MGAT4C: variants seen among roughly 807,000 people sequenced by gnomAD.
The protein encoded by MGAT4C is MGAT4 family member C.
In MGAT4C, 19 loss-of-function variants were observed where a neutral mutation model predicts 40.1. The observed-to-expected ratio is 0.47, with a 90% CI of 0.33 to 0.70. MGAT4C has a LOEUF of 0.70. Among genes scored for constraint, MGAT4C ranks in the 30% least tolerant of loss-of-function variants. The pLI is 0.02. For synonymous variants in MGAT4C, 181 were observed against 187.1 expected, an observed-to-expected ratio of 0.97 and a Z score of 0.27; for missense variants, 491 against 563.2, an observed-to-expected ratio of 0.87 and a Z score of 1.30.
At chr12:86,420,263 T>C (rs567306771) in intron 3 of MGAT4C, among the ~76,000 whole-genome samples, 1 of 152,132 alleles carries the variant, frequency 6.6e-6, no homozygotes, top group East Asian at 1.9e-4. Flanking sequence ...GTGCCCGCAG[T>C]CCCAGTTACT....
intron 2 of MGAT4C, among the ~76,000 whole-genome samples, chr12:86,008,284 C>T (rs1048533794): frequency 1.3e-5 from 2 of 151,994 alleles, no homozygotes; most frequent in African/African-American, 4.8e-5. Context: ...ACATTTTTCT[C>T]AACATGGTAT....
At chr12:86,507,974 A>G (rs1212561633) in intron 2 of MGAT4C, among the ~76,000 whole-genome samples, 2 of 152,090 alleles carry the variant, frequency 1.3e-5, no homozygotes, top group Non-Finnish European at 2.9e-5. Flanking sequence ...AGAGATTACA[A>G]TGGATTTGTA....
chr12:86,623,647 C>A lies in MGAT4C; in HGVS notation c.-229+103562G>T, dbSNP rs187656302. 1.7e-3 allele frequency among the ~76,000 whole-genome samples: 260 copies of A among 152,130 alleles called. 1 individual carries two copies. The highest frequency in any genetic ancestry group is 6.0e-3 in the African/African-American group (249 of 41,514). ...ATACATATGGACATAAATGCTTCCA[C>A]AATGACAGAATATGATCATCTGAAA... On this transcript the variant is annotated intron_variant, in intron 2 of 7. Transcript: ENST00000548651.
intron 1 of MGAT4C, among the ~76,000 whole-genome samples, chr12:86,183,663 C>A (rs1304275198): frequency 6.6e-6 from 1 of 152,098 alleles, no homozygotes; most frequent in Non-Finnish European, 1.5e-5. Context: ...AAGGGACTGG[C>A]CAATTTGGTT....
intron 2 of MGAT4C, among the ~76,000 whole-genome samples, chr12:86,007,255 G>T (rs1887978756): frequency 6.6e-6 from 1 of 152,048 alleles, no homozygotes; most frequent in African/African-American, 2.4e-5. Context: ...CAATAGTGAA[G>T]AATACTATCC....
intron 4 of MGAT4C, among the ~76,000 whole-genome samples, chr12:86,292,631 A>C (rs1953552149): frequency 6.6e-6 from 1 of 152,086 alleles, no homozygotes; most frequent in South Asian, 2.1e-4. Flanking sequence ...ATGTCTTTAA[A>C]TTAATAACAG....
intron 2 of MGAT4C, among the ~76,000 whole-genome samples, chr12:86,720,956 T>G (rs1950726619): frequency 1.3e-5 from 2 of 152,180 alleles, no homozygotes; most frequent in African/African-American, 4.8e-5. Flanking sequence ...AGTTGTATAC[T>G]CTGCCCTTCC....
chr12:86,661,301 G>A (rs1433655135), intron 2 of MGAT4C, among the ~76,000 whole-genome samples: 1 of 151,354 alleles, frequency 6.6e-6, no homozygotes, highest in Non-Finnish European at 1.5e-5. Flanking sequence ...AAATATTAAA[G>A]CAAATAATTT....
intron 4 of MGAT4C, 145 bp downstream of exon 4, chr12:85,983,378 T>C (rs1392175618): frequency 5.4e-6 from 4 of 745,018 alleles, no homozygotes; most frequent in Non-Finnish European, 7.8e-6. Context: ...TAGTTGGCAA[T>C]TTGTGAAGAA....
intron 2 of MGAT4C, among the ~76,000 whole-genome samples, chr12:86,556,691 G>A (rs1264221856): frequency 6.6e-6 from 1 of 152,044 alleles, no homozygotes; most frequent in East Asian, 1.9e-4. Flanking sequence ...GTTTTAGTTT[G>A]TCATAATTTT....
chr12:86,583,976 T>C (rs1375591370), intron 2 of MGAT4C, among the ~76,000 whole-genome samples: 1 of 151,072 alleles, frequency 6.6e-6, no homozygotes, highest in African/African-American at 2.4e-5. Context: ...ACATTTAATG[T>C]ATATTATTTT....
chr12:86,336,324 C>T (rs1312480446), intron 3 of MGAT4C, among the ~76,000 whole-genome samples: 1 of 152,176 alleles, frequency 6.6e-6, no homozygotes, highest in Non-Finnish European at 1.5e-5. Context: ...AGTTCAATAT[C>T]TCCCCTTCTT....
At chr12:86,343,767 C>T (rs1954953987) in intron 3 of MGAT4C, among the ~76,000 whole-genome samples, 1 of 152,212 alleles carries the variant, frequency 6.6e-6, no homozygotes, top group Non-Finnish European at 1.5e-5. Context: ...CAACTACCCT[C>T]TTCTCAACTC....
intron 1 of MGAT4C, among the ~76,000 whole-genome samples, chr12:86,795,285 T>A (rs80320122): frequency 6.6e-6 from 1 of 151,552 alleles, no homozygotes. Context: ...TAAGAAAGAG[T>A]GGAGAAAAAT....
chr12:86,049,821 C>T (rs182636914), intron 1 of MGAT4C, 98 bp from the exon 2 acceptor site: 81 of 257,694 alleles, frequency 3.1e-4, no homozygotes, highest in Middle Eastern at 2.0e-3. Context: ...TTGCCATTTT[C>T]CATCTAACTG....
At chr12:86,434,404 A>G (rs892622404) in intron 3 of MGAT4C, among the ~76,000 whole-genome samples, 19 of 151,900 alleles carry the variant, frequency 1.3e-4, no homozygotes, top group Non-Finnish European at 2.4e-4. Flanking sequence ...TCAAATATTT[A>G]TATATACTTA....
chr12:86,262,759 T>A (rs949202776), intron 4 of MGAT4C, among the ~76,000 whole-genome samples: 1 of 152,078 alleles, frequency 6.6e-6, no homozygotes, highest in African/African-American at 2.4e-5. Context: ...ACATCACTTG[T>A]ATTTGATAAA....
intron 2 of MGAT4C, among the ~76,000 whole-genome samples, chr12:86,460,977 T>C (rs1216240132): frequency 2.6e-5 from 4 of 152,106 alleles, no homozygotes; most frequent in Admixed American, 6.5e-5. Context: ...TTTTAAAGTC[T>C]TGTCATTTTT....
In MGAT4C at chr12:85,971,350, A is replaced by T. The variant is rs1378411516; in HGVS notation, c.*7939T>A. ...TTGGACAACTGAAAAATTTGCTAGG[A>T]AACAAATATTACAAAATATGTTGTT... On this transcript the variant is annotated 3_prime_UTR_variant, in exon 5 of 5. Transcript: ENST00000611864. The T allele has an allele frequency of 2.0e-5, 3 of 151,168 alleles. No individual in the cohort carries two copies. The highest frequency in any genetic ancestry group is 7.3e-5 in the African/African-American group (3 of 41,362). 9.4% of individuals were successfully genotyped at this position (151,168 alleles called of 1,614,324 possible). A position where few individuals can be genotyped will look rare whatever the true frequency, so the allele number is the denominator to read the frequency against.
Sources: allele counts gnomAD v4.1 joint callset (sites outside exome capture counted in the v4.1 genomes callset), GRCh38; gene constraint gnomAD v4.1.1; transcripts MANE v1.5; gene names NCBI Gene and HGNC (gene_info 2026-07-23, HGNC 2026-07-21).